CAMKMT: variants seen among roughly 807,000 people sequenced by gnomAD.
The protein encoded by CAMKMT is calmodulin-lysine N-methyltransferase, also known as CaM KMT.
Under a neutral mutation model 48.0 loss-of-function variants are expected in CAMKMT, and 53 were observed. The observed-to-expected ratio is 1.10, with a 90% CI of 0.89 to 1.39. The LOEUF is 1.39. Ranked by LOEUF, CAMKMT falls within the 40% of genes most tolerant of loss-of-function variation. The pLI is 0.00. For missense variants in CAMKMT, 428 were observed against 402.7 expected (o/e 1.06, Z -0.54); for synonymous variants, 165 against 152.3 (o/e 1.08, Z -0.61).
intron 3 of CAMKMT, among the ~76,000 whole-genome samples, chr2:44,545,490 A>G (rs1264674145): frequency 2.0e-5 from 3 of 152,236 alleles, no homozygotes; most frequent in South Asian, 4.1e-4. Flanking sequence ...TCTATTATTG[A>G]TCCTCTGTAT....
At chr2:44,550,236 C>A (rs952293936) in intron 3 of CAMKMT, among the ~76,000 whole-genome samples, 4 of 151,706 alleles carry the variant, frequency 2.6e-5, no homozygotes, top group African/African-American at 4.8e-5. Flanking sequence ...CCCGTTTCTA[C>A]AAATCATTAA....
chr2:44,739,652 A>G (rs1394013221), intron 7 of CAMKMT, among the ~76,000 whole-genome samples: 1 of 152,174 alleles, frequency 6.6e-6, no homozygotes, highest in Non-Finnish European at 1.5e-5. Context: ...AAATTTAGCA[A>G]TGTGGAGATC....
intron 3 of CAMKMT, among the ~76,000 whole-genome samples, chr2:44,598,911 T>G (rs1022103960): frequency 1.3e-5 from 2 of 151,734 alleles, no homozygotes; most frequent in Admixed American, 1.3e-4. Flanking sequence ...AATTGCATGA[T>G]TAGATTGAGT....
chr2:44,698,560 T>TA (rs1215530189), intron 3 of CAMKMT, among the ~76,000 whole-genome samples: 1 of 152,236 alleles, frequency 6.6e-6, no homozygotes, highest in Non-Finnish European at 1.5e-5. Context: ...CATACCTTAC[T>TA]AAAAATACTT....
chr2:44,458,720 T>C (rs1472924237), intron 3 of CAMKMT, among the ~76,000 whole-genome samples: 2 of 152,214 alleles, frequency 1.3e-5, no homozygotes, highest in Non-Finnish European at 2.9e-5. Context: ...ATGTTAACTT[T>C]CCATTCTCTC....
intron 3 of CAMKMT, among the ~76,000 whole-genome samples, chr2:44,432,951 G>C (rs530278163): frequency 3.9e-5 from 6 of 152,190 alleles, no homozygotes; most frequent in Middle Eastern, 3.4e-3. Context: ...TTAATAGTTG[G>C]CACATGGTAA....
intron 3 of CAMKMT, among the ~76,000 whole-genome samples, chr2:44,478,681 T>C (rs1668812170): frequency 6.7e-6 from 1 of 149,488 alleles, no homozygotes; most frequent in African/African-American, 2.4e-5. Flanking sequence ...GATATAAAAG[T>C]TAATTGCTTT....
At chr2:44,568,059 G>T (rs1443117868) in intron 3 of CAMKMT, among the ~76,000 whole-genome samples, 1 of 151,956 alleles carries the variant, frequency 6.6e-6, no homozygotes, top group African/African-American at 2.4e-5. Context: ...CCAGGGGCCA[G>T]GGTGGGGGTG....
At chr2:44,428,573 A>G (rs1257813542) in intron 3 of CAMKMT, among the ~76,000 whole-genome samples, 1 of 152,168 alleles carries the variant, frequency 6.6e-6, no homozygotes, top group African/African-American at 2.4e-5. Flanking sequence ...TTTTCTACTC[A>G]GTATTTCCCT....
At chr2:44,530,573 A>G (rs559692335) in intron 3 of CAMKMT, among the ~76,000 whole-genome samples, 2 of 152,288 alleles carry the variant, frequency 1.3e-5, no homozygotes, top group Non-Finnish European at 2.9e-5. Context: ...ATGTTCAGTC[A>G]ATGCATTTTT....
At chr2:44,660,653 G>C (rs1674631636) in intron 3 of CAMKMT, among the ~76,000 whole-genome samples, 1 of 152,204 alleles carries the variant, frequency 6.6e-6, no homozygotes. Flanking sequence ...GTCTCACGCT[G>C]ATGCCTAGGC....
intron 2 of CAMKMT, among the ~76,000 whole-genome samples, chr2:44,387,164 C>G (rs1171728855): frequency 1.3e-5 from 2 of 151,918 alleles, no homozygotes; most frequent in African/African-American, 4.8e-5. Flanking sequence ...ATTTCTTAGG[C>G]ATTAGTAATT....
chr2:44,402,636 ACTTT>A (rs1187675065), intron 3 of CAMKMT, among the ~76,000 whole-genome samples: 1 of 150,116 alleles, frequency 6.7e-6, no homozygotes, highest in Non-Finnish European at 1.5e-5. Context: ...TCTTTTAATG[ACTTT>A]CTTCCATCTG....
chr2:44,636,271 A>T (rs548995509), intron 3 of CAMKMT, among the ~76,000 whole-genome samples: 1 of 152,326 alleles, frequency 6.6e-6, no homozygotes, highest in South Asian at 2.1e-4. Flanking sequence ...GGCAGATGAG[A>T]TGCCAGGTTG....
chr2:44,393,956 C>A (rs1176492188), intron 3 of CAMKMT, among the ~76,000 whole-genome samples: 1 of 152,138 alleles, frequency 6.6e-6, no homozygotes, highest in African/African-American at 2.4e-5. Context: ...TCAGTGCTTA[C>A]TTGATCCAAA....
intron 3 of CAMKMT, among the ~76,000 whole-genome samples, chr2:44,427,028 A>G (rs1684321508): frequency 6.6e-6 from 1 of 152,108 alleles, no homozygotes; most frequent in Non-Finnish European, 1.5e-5. Context: ...TATACCTACA[A>G]CCAACTGATG....
chr2:44,516,485 G>A (rs1553407073), intron 3 of CAMKMT, among the ~76,000 whole-genome samples: 1 of 151,848 alleles, frequency 6.6e-6, no homozygotes, highest in Non-Finnish European at 1.5e-5. Context: ...TTTCCCAAAT[G>A]TTAAAAAATT....
chr2:44,686,198 C>T (rs1171403373), intron 3 of CAMKMT, among the ~76,000 whole-genome samples: 1 of 151,848 alleles, frequency 6.6e-6, no homozygotes, highest in Non-Finnish European at 1.5e-5. Flanking sequence ...TCGAGACCAT[C>T]CTGGCTAACA....
chr2:44,575,464 C>T (rs1303428233), intron 3 of CAMKMT, among the ~76,000 whole-genome samples: 1 of 152,178 alleles, frequency 6.6e-6, no homozygotes, highest in African/African-American at 2.4e-5. Flanking sequence ...TGTTGTTATT[C>T]TTATAAATAT....
Sources: allele counts gnomAD v4.1 joint callset (sites outside exome capture counted in the v4.1 genomes callset), GRCh38; gene constraint gnomAD v4.1.1; transcripts MANE v1.5; gene names NCBI Gene and HGNC (gene_info 2026-07-23, HGNC 2026-07-21).